Variants in NEBL observed in about 807,000 individuals in gnomAD.
NEBL encodes the protein LIM and SH3 protein 2.
NEBL carries 122 observed loss-of-function variants against 140.2 expected under a neutral mutation model. That is an observed-to-expected ratio of 0.87 (90% CI 0.75 to 1.01). NEBL has a LOEUF of 1.01. Among genes scored for constraint, NEBL ranks in the 50% least tolerant of loss-of-function variants. NEBL has a pLI of 0.00. For synonymous variants in NEBL, 436 were observed against 398.9 expected (o/e 1.09, Z -1.11); for missense variants, 1,365 against 1,231.3 (o/e 1.11, Z -1.62).
intron 2 of NEBL, among the ~76,000 whole-genome samples, chr10:20,895,205 A>C (rs183364694): frequency 1.6e-3 from 246 of 152,312 alleles, no homozygotes; most frequent in African/African-American, 5.5e-3. Flanking sequence ...TTTAGTCCTG[A>C]TGGTTTATGT....
At chr10:20,828,834 C>T (rs1840133486) in intron 16 of NEBL, among the ~76,000 whole-genome samples, 200 bp from the exon 17 acceptor site, 3 of 152,024 alleles carry the variant, frequency 2.0e-5, no homozygotes, top group Admixed American at 2.0e-4. Flanking sequence ...TACCATACGA[C>T]ATGGCTTCTA....
chr10:21,193,771 C>T (rs1008949618), intron 3 of NEBL, among the ~76,000 whole-genome samples: 2 of 152,102 alleles, frequency 1.3e-5, no homozygotes, highest in African/African-American at 4.8e-5. Context: ...TAAGGAAGCC[C>T]GTAATGGACT....
chr10:20,822,659 AG>A (rs1839449739), intron 19 of NEBL, among the ~76,000 whole-genome samples: 1 of 89,910 alleles, frequency 1.1e-5, no homozygotes, highest in Non-Finnish European at 2.8e-5. Context: ...GGCTATATAT[AG>A]ATATATAGAG....
intron 2 of NEBL, among the ~76,000 whole-genome samples, chr10:21,145,108 A>G (rs1248078637): frequency 6.6e-6 from 1 of 152,234 alleles, no homozygotes; most frequent in Non-Finnish European, 1.5e-5. Context: ...ATTACTTTTC[A>G]TCCAGCAAAC....
chr10:21,082,761 A>ATTTTTTTTTTTTTTTTTTTTTT (rs71392113), intron 2 of NEBL, among the ~76,000 whole-genome samples: 1 of 109,548 alleles, frequency 9.1e-6, no homozygotes, highest in Admixed American at 1.1e-4. Context: ...GGAGGGATGC[A>ATTTTTTTTTTTTTTTTTTTTTT]TTTTTTTTTT....
intron 1 of NEBL, among the ~76,000 whole-genome samples, chr10:21,270,812 G>A (rs137915701): frequency 3.9e-3 from 589 of 152,168 alleles, no homozygotes; most frequent in African/African-American, 0.013. Flanking sequence ...GTCCAGGACC[G>A]AATAATTCAC....
chr10:21,115,264 A>T (rs1214047083), intron 2 of NEBL, among the ~76,000 whole-genome samples: 1 of 152,080 alleles, frequency 6.6e-6, no homozygotes, highest in Non-Finnish European at 1.5e-5. Flanking sequence ...TATTTGCTTT[A>T]AACAGTTAAT....
rs576650828 is a variant in NEBL at position 21,287,150 on chromosome 10, C to T, written n.182+5680G>A. 4.6e-5 allele frequency among the ~76,000 whole-genome samples: 7 copies of T among 152,210 alleles called. No individual in the cohort carries two copies. The East Asian group carries it at 1.4e-3, about 29-fold the overall frequency. On this transcript the variant is annotated intron_variant and non_coding_transcript_variant, in intron 1 of 8. Coordinates refer to the NEBL transcript ENST00000675702. ...AAGTACCGGCATCCATCACAAAGAC[C>T]AGGAGGTCAGCAGTGGCAGGTCAAG...
intron 2 of NEBL, among the ~76,000 whole-genome samples, chr10:21,128,880 TAC>T: frequency 6.6e-6 from 1 of 152,196 alleles, no homozygotes; most frequent in African/African-American, 2.4e-5. Flanking sequence ...AAGAAGGACA[TAC>T]AGGGTTTAAG....
intron 12 of NEBL, among the ~76,000 whole-genome samples, chr10:20,844,033 C>A (rs987435109): frequency 2.6e-5 from 4 of 152,052 alleles, no homozygotes; most frequent in South Asian, 2.1e-4. Flanking sequence ...ATTTGCTTAG[C>A]CTTCAACTTC....
chr10:20,941,308 G>A (rs1447827561), intron 4 of NEBL, among the ~76,000 whole-genome samples: 2 of 151,906 alleles, frequency 1.3e-5, no homozygotes, highest in African/African-American at 4.8e-5. Flanking sequence ...ACGTAATCCA[G>A]CATAAACAGA....
intron 3 of NEBL, among the ~76,000 whole-genome samples, chr10:21,012,209 C>G (rs553160133): frequency 2.0e-5 from 3 of 152,192 alleles, no homozygotes; most frequent in African/African-American, 7.2e-5. Context: ...TGCCCCCCTT[C>G]AAGTGGGACC....
At chr10:21,112,293 A>C (rs1261276452) in intron 2 of NEBL, among the ~76,000 whole-genome samples, 1 of 152,224 alleles carries the variant, frequency 6.6e-6, no homozygotes, top group African/African-American at 2.4e-5. Flanking sequence ...ATGCACACAT[A>C]TGTTTATTGC....
chr10:20,999,133 C>T (rs186057524), intron 3 of NEBL, among the ~76,000 whole-genome samples: 5 of 148,622 alleles, frequency 3.4e-5, no homozygotes, highest in African/African-American at 1.2e-4. Flanking sequence ...CATACAAAAA[C>T]TGTACAGAAA....
intron 2 of NEBL, among the ~76,000 whole-genome samples, chr10:21,117,043 C>A (rs1444944671): frequency 6.6e-6 from 1 of 151,946 alleles, no homozygotes; most frequent in African/African-American, 2.4e-5. Context: ...GCTTTTTATT[C>A]TTTTAAATAT....
At position 20,998,980 on chromosome 10, in the gene NEBL, G is replaced by A. The variant is rs574289691; in HGVS notation, c.249+21137C>T. Among the ~76,000 whole-genome samples the A allele has an allele frequency of 3.7e-4, 56 of 152,240 alleles. No homozygotes were observed. The South Asian group carries it at 8.9e-3, about 24-fold the overall frequency. ...ATCTGGAACAAGTGAAGATATGCTGGGTGTTCAGGGTTAGGCAAGGCCTGG... is the reference window on the plus strand; with the variant it reads ...ATCTGGAACAAGTGAAGATATGCTGAGTGTTCAGGGTTAGGCAAGGCCTGG... On this transcript the variant is annotated intron_variant, in intron 3 of 6. Transcript: ENST00000417816.
chr10:21,223,924 G>T (rs1842108987), intron 3 of NEBL, among the ~76,000 whole-genome samples: 5 of 151,996 alleles, frequency 3.3e-5, no homozygotes, highest in Admixed American at 3.3e-4. Context: ...TATATATTCT[G>T]GTTATTAATC....
intron 4 of NEBL, among the ~76,000 whole-genome samples, chr10:20,910,594 A>T (rs1848287759): frequency 6.6e-6 from 1 of 152,138 alleles, no homozygotes; most frequent in South Asian, 2.1e-4. Flanking sequence ...GAAGGGCCAC[A>T]TTTGGGGTGG....
chr10:21,061,748 C>A (rs1835316436), intron 2 of NEBL, among the ~76,000 whole-genome samples: 1 of 152,044 alleles, frequency 6.6e-6, no homozygotes, highest in African/African-American at 2.4e-5. Context: ...TGGTTGTGAC[C>A]TCCTCAGCCT....
Sources: gnomAD v4.1 joint callset for allele counts (sites outside exome capture counted in the v4.1 genomes callset) on GRCh38, gnomAD v4.1.1 for gene constraint, MANE v1.5 for transcripts, NCBI Gene and HGNC (gene_info 2026-07-23, HGNC 2026-07-21) for gene names.